Variants in TOMM40L observed in about 807,000 individuals in gnomAD.
TOMM40L encodes translocase of outer mitochondrial membrane 40 like.
A neutral mutation model predicts 38.3 loss-of-function variants in TOMM40L; 17 were observed. The ratio of observed to expected loss-of-function variants is 0.44; its 90% confidence interval spans 0.30 to 0.67. The LOEUF (loss-of-function observed/expected upper bound fraction) is 0.67. TOMM40L is among the 30% of genes least tolerant of loss of function. The pLI, the probability that TOMM40L is intolerant of heterozygous loss-of-function variation, is 0.08. For missense variants in TOMM40L, 294 were observed against 390.0 expected (o/e 0.75, Z 2.07); for synonymous variants, 151 against 150.2 (o/e 1.01, Z -0.04).
chr1:161,228,463 G>A lies in TOMM40L; in HGVS notation c.643G>A (p.Gly215Ser), dbSNP rs774104502. The stretch of plus-strand genomic sequence containing the variant: ...GGTAGCTACATTGAATGTGGGATCA[G>A]GCGGGGCCCATGCAAGTTACTACCA... Reference protein sequence around the residue: ...HWVATLNVGSGGAHASYYHRA... With the variant: ...HWVATLNVGSSGAHASYYHRA... Residue 215 changes from glycine (G) to serine (S), a missense_variant, in exon 8 of 10, where the codon GGC (glycine) becomes AGC (serine). By Grantham distance (56) the Gly-to-Ser change is moderately conservative. Transcript: ENST00000367988. 1.2e-6 allele frequency: 2 copies of A among 1,614,130 alleles called. No homozygotes were observed. The highest frequency in any genetic ancestry group is 2.2e-5 in the South Asian group (2 of 91,084).
rs573911182 is a variant in TOMM40L, at chr1:161,230,366, A to G, written c.*1271A>G. The G allele has an allele frequency of 1.2e-5, 4 of 324,314 alleles. No homozygotes were observed. The East Asian group carries it at 2.7e-4, about 22-fold the overall frequency. The allele number at this position is 324,314 out of a possible 1,614,324, so 20.1% of individuals were successfully genotyped here. ...AGCCTGGATAAATCACAGACTATTG[A>G]ACCTGGAACTGGCTTTGACCATGAA... On this transcript the variant is annotated 3_prime_UTR_variant, in exon 10 of 10. Coordinates refer to ENST00000367988, the MANE Select transcript of TOMM40L (RefSeq NM_032174.6).
At chr1:161,226,677 G>C in intron 2 of TOMM40L, 73 bp downstream of exon 2, 1 of 1,482,088 alleles carries the variant, frequency 6.7e-7, no homozygotes, top group South Asian at 1.2e-5. Context: ...CCGGATGTCC[G>C]GCGATGGGAG....
chr1:161,227,420 ATTGTGTGTGTTAT>A, intron 4 of TOMM40L, 70 bp downstream of exon 4: 1 of 1,447,944 alleles, frequency 6.9e-7, no homozygotes, highest in Non-Finnish European at 9.6e-7. Context: ...AGGAAGAGGA[ATTGTGTGTGTTAT>A]GGGGAGGAAT....
Position 161,229,298 on chromosome 1 carries a change from C to T in TOMM40L, c.*203C>T. 2.9e-6 allele frequency: 2 copies of T among 692,088 alleles called. No homozygotes were observed. The highest frequency in any genetic ancestry group is 2.7e-5 in the East Asian group (1 of 36,840). 42.9% of individuals were successfully genotyped at this position (692,088 alleles called of 1,614,324 possible). A position where few individuals can be genotyped will look rare whatever the true frequency, so the allele number is the denominator to read the frequency against. ...AGGCAGAGGTTTGAGGATCCCCCCTCTGCTACCAGCCCCAGTATCACCTTC... is the reference window on the plus strand; with the variant it reads ...AGGCAGAGGTTTGAGGATCCCCCCTTTGCTACCAGCCCCAGTATCACCTTC... On this transcript the variant is annotated 3_prime_UTR_variant, in exon 10 of 10. Coordinates refer to ENST00000367988, the MANE Select transcript of TOMM40L (RefSeq NM_032174.6).
intron 4 of TOMM40L, 111 bp downstream of exon 4, chr1:161,227,461 T>C: frequency 1.8e-6 from 2 of 1,135,028 alleles, no homozygotes; most frequent in Non-Finnish European, 2.6e-6. Context: ...AACCTGATTC[T>C]CTGTGTCTTT....
chr1:161,227,048 C>T, intron 3 of TOMM40L, 93 bp downstream of exon 3: 1 of 1,483,214 alleles, frequency 6.7e-7, no homozygotes, highest in Non-Finnish European at 9.3e-7. Context: ...CCTAGCCAGT[C>T]TATGTGGGAC....
intron 6 of TOMM40L, 47 bp from the exon 7 acceptor site, chr1:161,228,139 G>A (rs1369372968): frequency 3.8e-6 from 6 of 1,573,566 alleles, no homozygotes; most frequent in Non-Finnish European, 5.2e-6. Flanking sequence ...GAGCAGGTCT[G>A]GATATTGTCT....
Position 161,226,585 on chromosome 1 carries a change from G to A in TOMM40L, c.96G>A (p.Glu32=). 8 of 1,614,148 alleles carry A rather than the reference G, an allele frequency of 5.0e-6. No individual in the cohort carries two copies. Among genetic ancestry groups the A allele is most frequent in the Non-Finnish European group, 5.9e-6 (7 of 1,180,012 alleles). Residue 32 remains glutamate (E), a synonymous_variant, in exon 2 of 10, where the codon GAG becomes GAA. Coordinates refer to ENST00000367988, the MANE Select transcript of TOMM40L (RefSeq NM_032174.6). ...EPLPNPGSFD[E]LHRLCKDVFP... ...TGCCCAACCCTGGGAGCTTCGATGA[G>A]CTGCACCGTCTATGCAAAGGTGAGA...
intron 7 of TOMM40L, 51 bp from the exon 8 acceptor site, chr1:161,228,377 G>A (rs1428891777): frequency 6.2e-7 from 1 of 1,613,776 alleles, no homozygotes; most frequent in South Asian, 1.1e-5. Flanking sequence ...TTCCTGGCCT[G>A]TGTCATACTA....
chr1:161,230,356 C>T lies in TOMM40L; in HGVS notation c.*1261C>T. 3.2e-6 allele frequency: 1 copy of T among 311,756 alleles called. No homozygotes were observed. The highest frequency in any genetic ancestry group is 5.9e-6 in the Non-Finnish European group (1 of 168,964). The allele number at this position is 311,756 out of a possible 1,614,324, so 19.3% of individuals were successfully genotyped here. A position where few individuals can be genotyped will look rare whatever the true frequency, so the allele number is the denominator to read the frequency against. ...CATACCTCAGAGCCTGGATAAATCA[C>T]AGACTATTGAACCTGGAACTGGCTT... On this transcript the variant is annotated 3_prime_UTR_variant, in exon 10 of 10. Coordinates refer to ENST00000367988, the MANE Select transcript of TOMM40L (RefSeq NM_032174.6).
chr1:161,230,356 C>A lies in TOMM40L; in HGVS notation c.*1261C>A, dbSNP rs965930261. Reference sequence around the variant, plus strand: ...CATACCTCAGAGCCTGGATAAATCACAGACTATTGAACCTGGAACTGGCTT... The same window carrying A: ...CATACCTCAGAGCCTGGATAAATCAAAGACTATTGAACCTGGAACTGGCTT... On this transcript the variant is annotated 3_prime_UTR_variant, in exon 10 of 10. Coordinates refer to ENST00000367988, the MANE Select transcript of TOMM40L (RefSeq NM_032174.6). 2.5e-4 allele frequency: 78 copies of A among 311,756 alleles called. No individual in the cohort carries two copies. The highest frequency in any genetic ancestry group is 1.7e-3 in the African/African-American group (76 of 45,802). 19.3% of individuals were successfully genotyped at this position (311,756 alleles called of 1,614,324 possible).
In TOMM40L at chr1:161,227,886, G is replaced by A. The variant is rs949001494; in HGVS notation, c.381G>A (p.Thr127=). 6.2e-7 allele frequency: 1 copy of A among 1,614,106 alleles called. No individual in the cohort carries two copies. Among genetic ancestry groups the A allele is most frequent in the Non-Finnish European group, 8.5e-7 (1 of 1,179,966 alleles). ...TACTTCTTGCTCTTGCCACCCAGAC[G>A]CAGCAGGCCAAGTTCCTGACATGGC... ...ERLRAKAVFQ[T]QQAKFLTWQF... The change falls in exon 6 of 10, where the codon ACG becomes ACA. Residue 127 remains threonine, a splice_region_variant and synonymous_variant. Coordinates refer to ENST00000367988, the MANE Select transcript of TOMM40L (RefSeq NM_032174.6).
Position 161,230,513 on chromosome 1 carries a change from G to T in TOMM40L, c.*1418G>T. The stretch of plus-strand genomic sequence containing the variant: ...TAGTCTGGAGAAGTTGGACTAGTGA[G>T]GTAATGGATGTCATCAATCTCAGGA... On this transcript the variant is annotated 3_prime_UTR_variant, in exon 10 of 10. Transcript: ENST00000367988. 1 of 540,886 alleles carries T rather than the reference G, an allele frequency of 1.8e-6. No individual in the cohort carries two copies. The highest frequency in any genetic ancestry group is 3.2e-6 in the Non-Finnish European group (1 of 308,426). The allele number at this position is 540,886 out of a possible 1,614,324, so 33.5% of individuals were successfully genotyped here. A position where few individuals can be genotyped will look rare whatever the true frequency, so the allele number is the denominator to read the frequency against.
chr1:161,227,748 T>C lies in TOMM40L; in HGVS notation c.378+11T>C, dbSNP rs770712588. 7.4e-5 allele frequency: 119 copies of C among 1,612,622 alleles called. No homozygotes were observed. The highest frequency in any genetic ancestry group is 9.9e-5 in the Non-Finnish European group (117 of 1,179,560). On this transcript the variant is annotated intron_variant, in intron 5 of 9. Coordinates refer to ENST00000367988, the MANE Select transcript of TOMM40L (RefSeq NM_032174.6). ...AAGGCTGTCTTCCAGGTGACCACAGTTCCTGCCTCCATCCCCTGAGGCACT... is the reference window on the plus strand; with the variant it reads ...AAGGCTGTCTTCCAGGTGACCACAGCTCCTGCCTCCATCCCCTGAGGCACT...
Sources: gnomAD v4.1 joint callset for allele counts on GRCh38, gnomAD v4.1.1 for gene constraint, MANE v1.5 for transcripts, NCBI Gene and HGNC (gene_info 2026-07-23, HGNC 2026-07-21) for gene names.